CRB2: variants seen among roughly 807,000 people sequenced by gnomAD.
The protein encoded by CRB2 is crumbs cell polarity complex component 2, also known as protein crumbs homolog 2.
A neutral mutation model predicts 110.9 loss-of-function variants in CRB2; 85 were observed. The ratio of observed to expected loss-of-function variants is 0.77; its 90% CI spans 0.64 to 0.92. The LOEUF (loss-of-function observed/expected upper bound fraction) is 0.92, where lower values mean the gene tolerates loss of function less well. Ranked by LOEUF, CRB2 falls within the 40% of genes least tolerant of loss-of-function variation. The pLI is 0.00. For missense variants in CRB2, 1,843 were observed against 1,851.3 expected (o/e 1.00, Z 0.08); for synonymous variants, 907 against 831.0 (o/e 1.09, Z -1.57).
At chr9:123,368,002 A>T (rs1485672837) in intron 6 of CRB2, among the ~76,000 whole-genome samples, 1 of 151,522 alleles carries the variant, frequency 6.6e-6, no homozygotes, top group Non-Finnish European at 1.5e-5. Flanking sequence ...TATTGCAGAG[A>T]GTTAGGGGGC....
chr9:123,378,819 T>TTG (rs2042152954), downstream of CRB2: 1 of 128,668 alleles, frequency 7.8e-6, no homozygotes, highest in African/African-American at 2.8e-5. Context: ...TTTTTTTTTT[T>TTG]TTTTTTTTTT....
intron 11 of CRB2, among the ~76,000 whole-genome samples, 192 bp from the exon 12 acceptor site, chr9:123,375,025 G>A (rs941323245): frequency 5.3e-5 from 8 of 152,184 alleles, no homozygotes; most frequent in African/African-American, 1.9e-4. Context: ...ACCCTAATGG[G>A]ATGAGAGTCC....
chr9:123,354,730 C>G (rs1056387447), upstream of CRB2, among the ~76,000 whole-genome samples: 8 of 152,192 alleles, frequency 5.3e-5, no homozygotes, highest in African/African-American at 1.9e-4. Context: ...AATCCCTGCC[C>G]TGGAGAGAAC....
rs375773781 is a variant in CRB2, at chr9:123,359,441, GTT to G, written c.94+3111_94+3112del. On this transcript the variant is annotated intron_variant, in intron 1 of 12. Coordinates refer to ENST00000373631, the MANE Select transcript of CRB2 (RefSeq NM_173689.7). The stretch of plus-strand genomic sequence containing the variant: ...GTTTGTGGTTTTTCGTTTTTGTTTT[GTT>G]TTTTTTTTTTTTTTTTTTTTTTTAA... 2.3e-3 allele frequency among the ~76,000 whole-genome samples: 220 copies of G among 94,406 alleles called. 7 individuals are homozygous for G. Among genetic ancestry groups the G allele is most frequent in the African/African-American group, 7.9e-3 (136 of 17,170 alleles). The allele number at this position is 94,406 out of a possible 152,430, so 61.9% of individuals were successfully genotyped here.
intron 1 of CRB2, among the ~76,000 whole-genome samples, chr9:123,361,848 C>A (rs1412767517): frequency 6.6e-6 from 1 of 152,236 alleles, no homozygotes; most frequent in Non-Finnish European, 1.5e-5. Flanking sequence ...GAACCCAGGT[C>A]TGTTTCACTT....
In CRB2 at chr9:123,365,948, C is replaced by T. The variant is rs528419257; in HGVS notation, c.450C>T (p.Cys150=). ...GVTCEMEVDE[C]ASAPCLHGGS... is the part of the protein sequence containing the mutation. ...CCTGCGAGATGGAGGTGGACGAGTG[C>T]GCCTCAGCGCCCTGCCTGCACGGGG... Residue 150 remains cysteine, a synonymous_variant, in exon 3 of 13, where the codon TGC becomes TGT. Coordinates refer to ENST00000373631, the MANE Select transcript of CRB2 (RefSeq NM_173689.7). 61 of 1,596,494 alleles carry T rather than the reference C, an allele frequency of 3.8e-5. No homozygotes were observed. The South Asian group carries it at 5.0e-4, about 13-fold the overall frequency.
At chr9:123,365,681 C>A in intron 2 of CRB2, among the ~76,000 whole-genome samples, 1 of 152,208 alleles carries the variant, frequency 6.6e-6, no homozygotes, top group East Asian at 1.9e-4. Context: ...GAATCACCCC[C>A]CACCATGTCC....
upstream of CRB2, among the ~76,000 whole-genome samples, chr9:123,354,811 C>A (rs997970035): frequency 6.6e-6 from 1 of 152,174 alleles, no homozygotes; most frequent in Non-Finnish European, 1.5e-5. Flanking sequence ...GGGTTCCCTC[C>A]TTTGGTCCCT....
At chr9:123,361,348 C>T (rs1322831106) in intron 1 of CRB2, among the ~76,000 whole-genome samples, 1 of 152,202 alleles carries the variant, frequency 6.6e-6, no homozygotes, top group Non-Finnish European at 1.5e-5. Context: ...GAGATGGGCA[C>T]TTTTTGCACC....
At chr9:123,362,788 T>A (rs1588205834) in intron 1 of CRB2, 77 bp from the exon 2 acceptor site, 3 of 1,417,606 alleles carry the variant, frequency 2.1e-6, no homozygotes, top group Non-Finnish European at 2.9e-6. Flanking sequence ...GGGTCTGGGG[T>A]GGGCCTGAGA....
At position 123,370,349 on chromosome 9, in the gene CRB2, A is replaced by T; in HGVS notation, c.1296A>T (p.Gly432=). 1 of 1,613,736 alleles carries T rather than the reference A, an allele frequency of 6.2e-7. No homozygotes were observed. The highest frequency in any genetic ancestry group is 1.1e-5 in the South Asian group (1 of 91,070). ...GCCACTGCCCACCTGGTACCCATGG[A>T]CCGTTCTGTGGCCAGAATACCACCT... ...YVCHCPPGTH[G]PFCGQNTTFS... Residue 432 remains glycine (G), a synonymous_variant, in exon 7 of 13, where the codon GGA becomes GGT. Transcript: ENST00000373631.
In CRB2 at chr9:123,370,885, C is replaced by G; in HGVS notation, c.1832C>G (p.Pro611Arg). 6.2e-7 allele frequency: 1 copy of G among 1,612,414 alleles called. No individual in the cohort carries two copies. Among genetic ancestry groups the G allele is most frequent in the Non-Finnish European group, 8.5e-7 (1 of 1,180,012 alleles). The change falls in exon 7 of 13, where the codon CCT becomes CGT. Residue 611 changes from proline to arginine, a missense_variant. Transcript: ENST00000373631. ...TGTGAGCGCCGAGAGCAGTGCCGGC[C>G]TCTGCCTTGTGTCCACGGAGGGTCC... ...LGCERREQCR[P>R]LPCVHGGSCV...
At chr9:123,369,597 C>T (rs559636050) in intron 6 of CRB2, among the ~76,000 whole-genome samples, 91 of 152,154 alleles carry the variant, frequency 6.0e-4, no homozygotes, top group Non-Finnish European at 1.1e-3. Flanking sequence ...AGGAAATGCT[C>T]GGAGGAATGG....
intron 6 of CRB2, chr9:123,368,925 G>A: frequency 4.0e-6 from 5 of 1,253,902 alleles, no homozygotes; most frequent in Non-Finnish European, 5.2e-6. Context: ...GACCTTCCTG[G>A]GCCACCTGTG....
intron 10 of CRB2, 132 bp downstream of exon 10, chr9:123,374,052 G>A: frequency 8.7e-7 from 1 of 1,145,882 alleles, no homozygotes; most frequent in Non-Finnish European, 1.3e-6. Flanking sequence ...GACATGAGGA[G>A]GACAGTTTAA....
intron 1 of CRB2, among the ~76,000 whole-genome samples, chr9:123,359,436 GTTTTGTTTTTTTT>G (rs2041837361): frequency 3.2e-5 from 2 of 62,432 alleles, no homozygotes; most frequent in South Asian, 7.0e-4. Context: ...TTTCGTTTTT[GTTTTGTTTTTTTT>G]TTTTTTTTTT....
chr9:123,366,574 C>A (rs1014514286), intron 4 of CRB2, among the ~76,000 whole-genome samples: 2 of 152,166 alleles, frequency 1.3e-5, no homozygotes, highest in Non-Finnish European at 2.9e-5. Flanking sequence ...GGGGTTGCTG[C>A]GGGGAGCTCG....
At chr9:123,376,116 C>T (rs969717938) in intron 12 of CRB2, among the ~76,000 whole-genome samples, 9 of 152,196 alleles carry the variant, frequency 5.9e-5, no homozygotes, top group African/African-American at 9.7e-5. Flanking sequence ...CTTTACAGCT[C>T]CTCCCTCAAA....
At chr9:123,378,805 G>GTTTTT (rs1166539194), downstream of CRB2, 27 of 100,980 alleles carry the variant, frequency 2.7e-4, no homozygotes, top group African/African-American at 1.0e-3. Context: ...CCTGTTTTTT[G>GTTTTT]TTTTTTTTTT....
Sources: gnomAD v4.1 joint callset for allele counts (sites outside exome capture counted in the v4.1 genomes callset) on GRCh38, gnomAD v4.1.1 for gene constraint, MANE v1.5 for transcripts, NCBI Gene and HGNC (gene_info 2026-07-23, HGNC 2026-07-21) for gene names.